The following CDH13 variants were observed in gnomAD, a reference collection of about 807,000 sequenced individuals.
CDH13 encodes the protein cadherin-13.
A neutral mutation model predicts 63.8 loss-of-function variants in CDH13; 24 were observed. The observed-to-expected ratio is 0.38, with a 90% CI of 0.27 to 0.53. The LOEUF is 0.53. Ranked by LOEUF, CDH13 falls within the 20% of genes least tolerant of loss-of-function variation. CDH13 has a pLI of 0.85. For missense variants in CDH13, 1,049 were observed against 903.1 expected, an observed-to-expected ratio of 1.16 and a Z score of -2.07; for synonymous variants, 503 against 355.3, an observed-to-expected ratio of 1.42 and a Z score of -4.67.
intron 5 of CDH13, among the ~76,000 whole-genome samples, chr16:83,284,101 A>T (rs1197190315): frequency 6.6e-6 from 1 of 152,234 alleles, no homozygotes; most frequent in African/African-American, 2.4e-5. Flanking sequence ...CTTCACAGAC[A>T]GCCTTATTAA....
intron 2 of CDH13, among the ~76,000 whole-genome samples, chr16:82,873,030 T>C (rs58590838): frequency 0.03 from 4,595 of 152,152 alleles, 216 homozygotes; most frequent in African/African-American, 0.11. Flanking sequence ...ATGAAGGAAA[T>C]AAGGCAAGGT....
intron 7 of CDH13, among the ~76,000 whole-genome samples, chr16:83,555,262 G>A (rs536301080): frequency 1.3e-5 from 2 of 152,146 alleles, no homozygotes; most frequent in African/African-American, 4.8e-5. Context: ...ACAGGCATAG[G>A]GGTATCTTAG....
chr16:82,936,192 T>C (rs756218725), intron 2 of CDH13, among the ~76,000 whole-genome samples: 12 of 152,168 alleles, frequency 7.9e-5, no homozygotes, highest in Non-Finnish European at 1.5e-4. Flanking sequence ...CCTGTGCAAG[T>C]CTCCAGCTTG....
At chr16:83,402,243 C>T (rs757695532) in intron 6 of CDH13, among the ~76,000 whole-genome samples, 6 of 152,108 alleles carry the variant, frequency 3.9e-5, no homozygotes, top group Non-Finnish European at 5.9e-5. Flanking sequence ...GTCTGGCTCC[C>T]GGAGCGCCAC....
At chr16:82,655,849 A>C (rs1911233478) in intron 1 of CDH13, among the ~76,000 whole-genome samples, 1 of 152,108 alleles carries the variant, frequency 6.6e-6, no homozygotes, top group Admixed American at 6.5e-5. Flanking sequence ...CCCAGATAGG[A>C]AGCAATGCCT....
chr16:83,590,429 G>T (rs1040294980), intron 7 of CDH13, among the ~76,000 whole-genome samples: 1 of 152,166 alleles, frequency 6.6e-6, no homozygotes, highest in African/African-American at 2.4e-5. Flanking sequence ...CCAGGGGCCG[G>T]CTGGAGATGA....
intron 2 of CDH13, among the ~76,000 whole-genome samples, chr16:82,871,017 A>G (rs2040325372): frequency 6.6e-6 from 1 of 152,204 alleles, no homozygotes; most frequent in Non-Finnish European, 1.5e-5. Context: ...TACTCCTAAG[A>G]CTGTTCATGG....
At chr16:82,711,150 G>C (rs751209129) in intron 1 of CDH13, among the ~76,000 whole-genome samples, 26 of 152,226 alleles carry the variant, frequency 1.7e-4, no homozygotes, top group Non-Finnish European at 3.1e-4. Flanking sequence ...ACATGAAAGG[G>C]CCGCGTGGCA....
At position 82,973,607 on chromosome 16, in the gene CDH13, A is replaced by G. The variant is rs1909079858; in HGVS notation, c.158-58403A>G. The stretch of plus-strand genomic sequence containing the variant: ...AACCAACACAAGACAGTGTGCAAGA[A>G]TCCTGTTAAAGACCTGCCCTCACTG... On this transcript the variant is annotated intron_variant, in intron 2 of 13. Transcript: ENST00000567109. 2.0e-5 allele frequency among the ~76,000 whole-genome samples: 3 copies of G among 152,322 alleles called. No individual in the cohort carries two copies. In the South Asian group the frequency reaches 6.2e-4, roughly 32 times the overall value.
At chr16:83,209,103 G>C (rs1485002847) in intron 4 of CDH13, among the ~76,000 whole-genome samples, 1 of 152,112 alleles carries the variant, frequency 6.6e-6, no homozygotes, top group Non-Finnish European at 1.5e-5. Context: ...TGAGACGAGG[G>C]GTTTTATTGG....
chr16:82,791,141 G>C (rs2036277219), intron 1 of CDH13, among the ~76,000 whole-genome samples: 1 of 151,788 alleles, frequency 6.6e-6, no homozygotes, highest in African/African-American at 2.4e-5. Flanking sequence ...GGAGGCTGAG[G>C]CAGGAGAATG....
intron 10 of CDH13, among the ~76,000 whole-genome samples, chr16:83,726,706 C>T (rs1012611173): frequency 3.9e-5 from 6 of 152,094 alleles, no homozygotes; most frequent in Middle Eastern, 3.2e-3. Context: ...AGCGTGGAGG[C>T]GGGCCCCTGT....
chr16:83,736,463 C>G (rs1450924684), intron 10 of CDH13, among the ~76,000 whole-genome samples: 2 of 152,160 alleles, frequency 1.3e-5, no homozygotes, highest in Middle Eastern at 3.2e-3. Flanking sequence ...ATCTCTTTGT[C>G]TGTATTTCTC....
intron 2 of CDH13, among the ~76,000 whole-genome samples, chr16:82,960,560 A>G (rs1043486050): frequency 6.6e-6 from 1 of 152,196 alleles, no homozygotes; most frequent in African/African-American, 2.4e-5. Flanking sequence ...CACAGGCAAA[A>G]GCTATCCACT....
At chr16:83,044,789 A>G (rs144156201) in intron 3 of CDH13, among the ~76,000 whole-genome samples, 92 of 152,268 alleles carry the variant, frequency 6.0e-4, no homozygotes, top group African/African-American at 2.0e-3. Flanking sequence ...GCGGCCATCC[A>G]CAGGCTTTCC....
At chr16:83,764,932 A>G (rs1914263975) in intron 11 of CDH13, among the ~76,000 whole-genome samples, 1 of 152,162 alleles carries the variant, frequency 6.6e-6, no homozygotes, top group Non-Finnish European at 1.5e-5. Context: ...AAAGTCTTTG[A>G]ACTTCTCACA....
chr16:83,660,751 G>A (rs1046722498), intron 8 of CDH13, among the ~76,000 whole-genome samples: 9 of 152,108 alleles, frequency 5.9e-5, no homozygotes, highest in Non-Finnish European at 1.0e-4. Flanking sequence ...AGATGTTGGT[G>A]GTCAAATGAG....
intron 9 of CDH13, among the ~76,000 whole-genome samples, chr16:83,673,171 G>A (rs7192978): frequency 2.6e-4 from 39 of 152,092 alleles, no homozygotes; most frequent in African/African-American, 8.4e-4. Context: ...ATTAACTATC[G>A]CACATCTACT....
At chr16:83,433,505 G>A (rs909439267) in intron 6 of CDH13, among the ~76,000 whole-genome samples, 1 of 152,166 alleles carries the variant, frequency 6.6e-6, no homozygotes, top group Admixed American at 6.5e-5. Context: ...TGTTTCCTTG[G>A]TGCACCTACT....
Sources: allele counts gnomAD v4.1 joint callset (sites outside exome capture counted in the v4.1 genomes callset), GRCh38; gene constraint gnomAD v4.1.1; transcripts MANE v1.5; gene names NCBI Gene and HGNC (gene_info 2026-07-23, HGNC 2026-07-21).